The following FAM220A variants were observed in gnomAD, a reference collection of about 807,000 sequenced individuals.
FAM220A encodes the protein family with sequence similarity 220 member A.
For synonymous variants in FAM220A, 141 were observed against 130.7 expected, an observed-to-expected ratio of 1.08 and a Z score of -0.54; for missense variants, 392 against 321.6, an observed-to-expected ratio of 1.22 and a Z score of -1.68.
Position 6,331,229 on chromosome 7 carries a change from T to C in FAM220A, c.-75A>G. On this transcript the variant is annotated 5_prime_UTR_variant, in exon 2 of 2. In the 5' UTR this introduces an upstream ATG that the reference lacks. Transcript: ENST00000313324. ...TGGGAGGGCCTTCAATGGATCTCAATATGAACCTAGGAAAGGGAATCAAAT... is the reference window on the plus strand; with the variant it reads ...TGGGAGGGCCTTCAATGGATCTCAACATGAACCTAGGAAAGGGAATCAAAT... The C allele has an allele frequency of 7.0e-7, 1 of 1,424,912 alleles. No individual in the cohort carries two copies. The highest frequency in any genetic ancestry group is 1.4e-5 in the South Asian group (1 of 73,602). 88.3% of individuals were successfully genotyped at this position (1,424,912 alleles called of 1,614,324 possible). A position where few individuals can be genotyped will look rare whatever the true frequency, so the allele number is the denominator to read the frequency against.
At chr7:6,342,222 CTT>C (rs1175190307) in intron 1 of FAM220A, among the ~76,000 whole-genome samples, 2 of 151,844 alleles carry the variant, frequency 1.3e-5, no homozygotes, top group African/African-American at 2.4e-5. Context: ...CTTACTTTCT[CTT>C]TCTCTCTCTC....
chr7:6,339,080 A>C (rs1016553050), intron 1 of FAM220A, among the ~76,000 whole-genome samples: 1 of 152,224 alleles, frequency 6.6e-6, no homozygotes, highest in Non-Finnish European at 1.5e-5. Flanking sequence ...AGAAACAGCA[A>C]TGACCACAGC....
chr7:6,348,002 C>G (rs892973807), intron 1 of FAM220A, among the ~76,000 whole-genome samples: 9 of 151,382 alleles, frequency 5.9e-5, no homozygotes, highest in Non-Finnish European at 1.3e-4. Context: ...CCTGCGCCTC[C>G]CAGGTTCCAG....
chr7:6,340,416 C>T (rs1021612041), intron 1 of FAM220A, among the ~76,000 whole-genome samples: 1 of 152,072 alleles, frequency 6.6e-6, no homozygotes, highest in East Asian at 1.9e-4. Flanking sequence ...CAGACACAGC[C>T]CCAACATGGG....
intron 1 of FAM220A, among the ~76,000 whole-genome samples, chr7:6,348,238 G>T (rs551048366): frequency 6.6e-6 from 1 of 150,960 alleles, no homozygotes; most frequent in African/African-American, 2.4e-5. Flanking sequence ...AATAAGGGGG[G>T]GGGTTGCAAA....
chr7:6,345,997 G>C (rs1397847602), intron 1 of FAM220A, among the ~76,000 whole-genome samples: 1 of 152,078 alleles, frequency 6.6e-6, no homozygotes, highest in African/African-American at 2.4e-5. Flanking sequence ...TTAAACTCCT[G>C]ACCTCAAGTG....
At chr7:6,338,205 G>A (rs4724795) in intron 1 of FAM220A, among the ~76,000 whole-genome samples, 41,125 of 151,934 alleles carry the variant, frequency 0.27, 5,708 homozygotes, top group East Asian at 0.32. Context: ...TATTCTGAGG[G>A]CCACAAATAA....
chr7:6,347,002 C>A (rs1439792083), intron 1 of FAM220A, among the ~76,000 whole-genome samples: 1 of 152,146 alleles, frequency 6.6e-6, no homozygotes, highest in African/African-American at 2.4e-5. Context: ...AGAAAGAATT[C>A]TCGAGTTGAC....
chr7:6,332,416 G>C (rs1346653374), intron 1 of FAM220A, among the ~76,000 whole-genome samples: 1 of 152,142 alleles, frequency 6.6e-6, no homozygotes, highest in Admixed American at 6.6e-5. Flanking sequence ...ACTCACTTTT[G>C]AGTGTTGTCT....
At chr7:6,344,615 C>A (rs530061882) in intron 1 of FAM220A, among the ~76,000 whole-genome samples, 1 of 152,146 alleles carries the variant, frequency 6.6e-6, no homozygotes, top group African/African-American at 2.4e-5. Flanking sequence ...GACGGAGTTT[C>A]GCCCTGTTGC....
chr7:6,340,238 T>C (rs1022144843), intron 1 of FAM220A, among the ~76,000 whole-genome samples: 2 of 152,170 alleles, frequency 1.3e-5, no homozygotes, highest in Admixed American at 6.6e-5. Flanking sequence ...GAATCTTCTC[T>C]GACTACTCTT....
intron 1 of FAM220A, among the ~76,000 whole-genome samples, chr7:6,348,230 TA>T (rs201696948): frequency 1.0e-5 from 1 of 97,642 alleles, no homozygotes; most frequent in Non-Finnish European, 2.1e-5. Context: ...CAATTAAAAA[TA>T]AGGGGGGGGG....
rs1781599374 is a variant in FAM220A, at chr7:6,330,168, T to G, written c.*207A>C. On this transcript the variant is annotated 3_prime_UTR_variant, in exon 2 of 2. Coordinates refer to ENST00000313324, the MANE Select transcript of FAM220A (RefSeq NM_001037163.2). ...TGTTTCCCAATTCTTTATATGTCTT[T>G]TAAAGCACAATTTAACACATGCCAA... The G allele has an allele frequency of 1.7e-6, 1 of 586,306 alleles. No homozygotes were observed. 36.3% of individuals were successfully genotyped at this position (586,306 alleles called of 1,614,324 possible). A position where few individuals can be genotyped will look rare whatever the true frequency, so the allele number is the denominator to read the frequency against.
intron 1 of FAM220A, 135 bp downstream of exon 1, chr7:6,348,438 G>T (rs1014008696): frequency 2.5e-6 from 1 of 396,618 alleles, no homozygotes; most frequent in African/African-American, 2.1e-5. Context: ...CCCAAAGTAG[G>T]GTCGCACGGG....
At chr7:6,343,407 T>C (rs1045270368) in intron 1 of FAM220A, among the ~76,000 whole-genome samples, 1 of 32,612 alleles carries the variant, frequency 3.1e-5, no homozygotes. Flanking sequence ...CATATATATA[T>C]ATATATATAT....
In FAM220A at chr7:6,331,239, G is replaced by A; in HGVS notation, c.-81-4C>T. 1 of 1,354,234 alleles carries A rather than the reference G, an allele frequency of 7.4e-7. No individual in the cohort carries two copies. Among genetic ancestry groups the A allele is most frequent in the South Asian group, 1.4e-5 (1 of 70,166 alleles). The allele number at this position is 1,354,234 out of a possible 1,614,324, so 83.9% of individuals were successfully genotyped here. ...TTCAATGGATCTCAATATGAACCTAGGAAAGGGAATCAAATTAAAGTTCTA... is the reference window on the plus strand; with the variant it reads ...TTCAATGGATCTCAATATGAACCTAAGAAAGGGAATCAAATTAAAGTTCTA... On this transcript the variant is annotated splice_region_variant and splice_polypyrimidine_tract_variant and intron_variant, in intron 1 of 1. Transcript: ENST00000313324.
intron 1 of FAM220A, among the ~76,000 whole-genome samples, chr7:6,337,050 A>G (rs1322833484): frequency 1.3e-5 from 2 of 151,856 alleles, no homozygotes; most frequent in Non-Finnish European, 2.9e-5. Context: ...ATTTCAATAT[A>G]TGTTGAAATA....
At chr7:6,343,773 C>T (rs1261152428) in intron 1 of FAM220A, among the ~76,000 whole-genome samples, 1 of 152,086 alleles carries the variant, frequency 6.6e-6, no homozygotes, top group Non-Finnish European at 1.5e-5. Flanking sequence ...AAATGCCTCA[C>T]TGCCCTACAA....
intron 1 of FAM220A, among the ~76,000 whole-genome samples, chr7:6,337,615 C>T (rs75419367): frequency 0.024 from 3,595 of 151,298 alleles, 78 homozygotes; most frequent in Middle Eastern, 0.055. Context: ...AGCAAACTAA[C>T]GCAGTATAAG....
Sources: allele counts gnomAD v4.1 joint callset (sites outside exome capture counted in the v4.1 genomes callset), GRCh38; gene constraint gnomAD v4.1.1; transcripts MANE v1.5; gene names NCBI Gene and HGNC (gene_info 2026-07-23, HGNC 2026-07-21).